Variants in ADIPOR2 observed in about 807,000 individuals in gnomAD.
The protein encoded by ADIPOR2 is adiponectin receptor 2.
In ADIPOR2, 18 loss-of-function variants were observed where a neutral mutation model predicts 40.9. The ratio of observed to expected loss-of-function variants is 0.44; its 90% confidence interval spans 0.30 to 0.65. The LOEUF is 0.65. ADIPOR2 is among the 30% of genes least tolerant of loss of function. The pLI, the probability that ADIPOR2 is intolerant of heterozygous loss-of-function variation, is 0.09. For missense variants in ADIPOR2, 283 were observed against 479.2 expected (o/e 0.59, Z 3.82); for synonymous variants, 165 against 166.4 (o/e 0.99, Z 0.06).
At chr12:1,716,569 A>T (rs1411316920) in intron 1 of ADIPOR2, among the ~76,000 whole-genome samples, 1 of 152,260 alleles carries the variant, frequency 6.6e-6, no homozygotes, top group Non-Finnish European at 1.5e-5. Context: ...CATTGCAGAA[A>T]GCATATGAAA....
chr12:1,744,170 G>T (rs1249516431), intron 1 of ADIPOR2, among the ~76,000 whole-genome samples: 2 of 151,076 alleles, frequency 1.3e-5, no homozygotes, highest in East Asian at 3.9e-4. Flanking sequence ...GCAGTGGTAC[G>T]ATCTTAGCTC....
At chr12:1,717,531 C>A (rs1266077133) in intron 1 of ADIPOR2, among the ~76,000 whole-genome samples, 4 of 152,090 alleles carry the variant, frequency 2.6e-5, no homozygotes, top group Non-Finnish European at 5.9e-5. Context: ...CATGGAGAAA[C>A]CCTGTCTCTG....
intron 7 of ADIPOR2, among the ~76,000 whole-genome samples, chr12:1,784,408 G>A (rs1451001141): frequency 1.3e-5 from 2 of 152,196 alleles, no homozygotes; most frequent in Non-Finnish European, 2.9e-5. Flanking sequence ...CAAGCCATGT[G>A]GCTATTTAAG....
chr12:1,719,503 G>T (rs989775463), intron 1 of ADIPOR2, among the ~76,000 whole-genome samples: 1 of 152,106 alleles, frequency 6.6e-6, no homozygotes, highest in Non-Finnish European at 1.5e-5. Context: ...AATTATAACT[G>T]CTCTAGCTGT....
chr12:1,782,339 G>A (rs1235601579), intron 6 of ADIPOR2, among the ~76,000 whole-genome samples: 2 of 152,226 alleles, frequency 1.3e-5, no homozygotes, highest in African/African-American at 2.4e-5. Flanking sequence ...TCCAAAGCAA[G>A]TAATAGGTTC....
At position 1,772,949 on chromosome 12, in the gene ADIPOR2, ATTTG is replaced by A; in HGVS notation, c.285_288del (p.Cys96ArgfsTer9). 1 of 1,613,586 alleles carries A rather than the reference ATTTG, an allele frequency of 6.2e-7. No individual in the cohort carries two copies. Among genetic ancestry groups the A allele is most frequent in the Non-Finnish European group, 8.5e-7 (1 of 1,179,720 alleles). On this transcript the variant is annotated frameshift_variant, in exon 3 of 8. Coordinates refer to ENST00000357103, the MANE Select transcript of ADIPOR2 (RefSeq NM_024551.3). LOFTEE classifies it high-confidence loss of function. ...ATCATGCTATGGAAAAAATGGAAGA[ATTTG>A]TTTGTAAGGTAAGAGTGCAGTTTCT...
intron 2 of ADIPOR2, chr12:1,757,924 G>A (rs1378993357): frequency 5.3e-5 from 47 of 893,342 alleles, no homozygotes; most frequent in Non-Finnish European, 7.2e-5. Context: ...GTGGATGGAC[G>A]AGGAGCAAAC....
chr12:1,691,500 C>T (rs975714308), intron 1 of ADIPOR2, among the ~76,000 whole-genome samples: 1 of 152,234 alleles, frequency 6.6e-6, no homozygotes, highest in African/African-American at 2.4e-5. Flanking sequence ...TCGGAGCCTG[C>T]TGCCCTCTGC....
chr12:1,780,424 A>G (rs377630854), intron 4 of ADIPOR2, 27 bp from the exon 5 acceptor site: 6 of 1,563,966 alleles, frequency 3.8e-6, no homozygotes, highest in African/African-American at 1.4e-5. Flanking sequence ...GTGATATTTT[A>G]TCTATTTTCT....
chr12:1,747,081 CAAAA>C (rs2094756932), intron 1 of ADIPOR2, among the ~76,000 whole-genome samples: 1 of 140,424 alleles, frequency 7.1e-6, no homozygotes, highest in Non-Finnish European at 1.5e-5. Flanking sequence ...AAAAACAAAA[CAAAA>C]CAAAGAAATA....
At chr12:1,724,775 C>T (rs776094001) in intron 1 of ADIPOR2, among the ~76,000 whole-genome samples, 1 of 152,094 alleles carries the variant, frequency 6.6e-6, no homozygotes, top group Non-Finnish European at 1.5e-5. Flanking sequence ...ACTGTAGCCT[C>T]GACTTCCTGG....
At chr12:1,735,026 C>T (rs1038434840) in intron 1 of ADIPOR2, among the ~76,000 whole-genome samples, 21 of 152,242 alleles carry the variant, frequency 1.4e-4, no homozygotes, top group African/African-American at 3.9e-4. Context: ...AGTCAGGTAG[C>T]GTGATGCCTC....
intron 1 of ADIPOR2, among the ~76,000 whole-genome samples, chr12:1,695,011 G>GTTTTTTTT (rs199627849): frequency 1.9e-4 from 24 of 128,276 alleles, no homozygotes; most frequent in South Asian, 5.3e-4. Flanking sequence ...TTGTGTTGCA[G>GTTTTTTTT]TTTTTTTTTT....
chr12:1,707,412 C>CT (rs60914975), intron 1 of ADIPOR2, among the ~76,000 whole-genome samples: 2 of 148,286 alleles, frequency 1.3e-5, no homozygotes, highest in East Asian at 2.0e-4. Flanking sequence ...TTAATTTTAA[C>CT]TTTTTTTTTT....
At chr12:1,695,213 C>G (rs1211680809) in intron 1 of ADIPOR2, among the ~76,000 whole-genome samples, 1 of 151,800 alleles carries the variant, frequency 6.6e-6, no homozygotes, top group Non-Finnish European at 1.5e-5. Context: ...GGGATCAAGC[C>G]CAGTGGTGGC....
chr12:1,781,955 T>C (rs1309190374), intron 6 of ADIPOR2, among the ~76,000 whole-genome samples: 1 of 152,220 alleles, frequency 6.6e-6, no homozygotes, highest in Non-Finnish European at 1.5e-5. Flanking sequence ...AGTACAGTGG[T>C]GTTAAGCCTG....
chr12:1,726,387 G>A (rs186065487), intron 1 of ADIPOR2, among the ~76,000 whole-genome samples: 1 of 152,110 alleles, frequency 6.6e-6, no homozygotes, highest in African/African-American at 2.4e-5. Flanking sequence ...TAGTAGAGAC[G>A]GGGTTTCACC....
chr12:1,713,340 C>A (rs145565057), intron 1 of ADIPOR2, among the ~76,000 whole-genome samples: 7,647 of 152,150 alleles, frequency 0.05, 668 homozygotes, highest in African/African-American at 0.17. Context: ...GCACTAGTCT[C>A]CACTGACTGG....
intron 1 of ADIPOR2, among the ~76,000 whole-genome samples, chr12:1,741,908 A>G (rs1236256696): frequency 6.6e-6 from 1 of 152,194 alleles, no homozygotes; most frequent in Admixed American, 6.5e-5. Flanking sequence ...TTAGCTAAAG[A>G]TGAATGGAAT....
Sources: allele counts gnomAD v4.1 joint callset (sites outside exome capture counted in the v4.1 genomes callset), GRCh38; gene constraint gnomAD v4.1.1; transcripts MANE v1.5; gene names NCBI Gene and HGNC (gene_info 2026-07-23, HGNC 2026-07-21).